RNF121: variants seen among roughly 807,000 people sequenced by gnomAD.
The protein encoded by RNF121 is E3 ubiquitin ligase RNF121.
RNF121 carries 21 observed loss-of-function variants against 46.5 expected under a neutral mutation model. That is an observed-to-expected ratio of 0.45 (90% CI 0.32 to 0.65). The LOEUF is 0.65. Ranked by LOEUF, RNF121 falls within the 30% of genes least tolerant of loss-of-function variation. RNF121 has a pLI of 0.04. For missense variants in RNF121, 346 were observed against 416.0 expected (o/e 0.83, Z 1.46); for synonymous variants, 139 against 144.7 (o/e 0.96, Z 0.28).
intron 1 of RNF121, among the ~76,000 whole-genome samples, chr11:71,935,422 A>G (rs944087524): frequency 1.3e-5 from 2 of 152,208 alleles, no homozygotes; most frequent in African/African-American, 2.4e-5. Flanking sequence ...GTTAACCACA[A>G]CGGGCAATAT....
At chr11:71,992,048 T>C (rs1954874255) in intron 6 of RNF121, among the ~76,000 whole-genome samples, 1 of 152,142 alleles carries the variant, frequency 6.6e-6, no homozygotes. Context: ...AGCCTTGCAG[T>C]GAGCTTGTTC....
intron 7 of RNF121, 143 bp downstream of exon 7, chr11:71,994,995 C>T: frequency 8.9e-7 from 1 of 1,129,874 alleles, no homozygotes; most frequent in South Asian, 1.4e-5. Flanking sequence ...ACCTTCCCTA[C>T]CCTTTCCCAC....
At chr11:71,985,403 C>A (rs1954752882) in intron 4 of RNF121, among the ~76,000 whole-genome samples, 1 of 152,188 alleles carries the variant, frequency 6.6e-6, no homozygotes, top group Non-Finnish European at 1.5e-5. Flanking sequence ...TGAGGTTATC[C>A]AGCTACTAAA....
chr11:71,935,783 T>G (rs1476914303), intron 1 of RNF121, among the ~76,000 whole-genome samples: 1 of 151,928 alleles, frequency 6.6e-6, no homozygotes, highest in Non-Finnish European at 1.5e-5. Flanking sequence ...ATAACTCTCA[T>G]CAGGTACTGA....
intron 6 of RNF121, among the ~76,000 whole-genome samples, chr11:71,992,245 T>G (rs79450267): frequency 0.024 from 3,694 of 152,366 alleles, 60 homozygotes; most frequent in Middle Eastern, 0.058. Flanking sequence ...AATTTTTACT[T>G]TGTGAACTCT....
In RNF121 at chr11:71,987,124, T is replaced by C. The variant is rs369775219; in HGVS notation, c.506+13T>C. The C allele has an allele frequency of 8.2e-5, 126 of 1,534,126 alleles. No individual in the cohort carries two copies. Among genetic ancestry groups the C allele is most frequent in the Non-Finnish European group, 9.7e-5 (108 of 1,107,748 alleles). On this transcript the variant is annotated intron_variant, in intron 5 of 8. Coordinates refer to ENST00000361756, the MANE Select transcript of RNF121 (RefSeq NM_018320.5). Reference sequence around the variant, plus strand: ...ACTTATTATTCAAGTGAGTACCCTTTGTTTTTGTTTTTGCTGGAGTTTGGG... The same window carrying C: ...ACTTATTATTCAAGTGAGTACCCTTCGTTTTTGTTTTTGCTGGAGTTTGGG...
intron 3 of RNF121, among the ~76,000 whole-genome samples, chr11:71,968,000 C>T (rs1015908288): frequency 6.6e-6 from 1 of 151,914 alleles, no homozygotes; most frequent in African/African-American, 2.4e-5. Flanking sequence ...TATCTTTCCC[C>T]AGTTTGTCAT....
Position 71,996,595 on chromosome 11 carries a change from A to C in RNF121, c.*280A>C. The C allele has an allele frequency of 3.5e-6, 1 of 283,422 alleles. No individual in the cohort carries two copies. The allele number at this position is 283,422 out of a possible 1,614,324, so 17.6% of individuals were successfully genotyped here. ...TAGGAATTGCCCCCCTCCAGGCTTC[A>C]CCCTCCCTGCCTAAGCAGGGTGGGG... On this transcript the variant is annotated 3_prime_UTR_variant, in exon 9 of 9. Transcript: ENST00000361756.
intron 1 of RNF121, among the ~76,000 whole-genome samples, chr11:71,933,403 C>T (rs941553039): frequency 3.3e-5 from 5 of 152,184 alleles, no homozygotes; most frequent in Admixed American, 3.3e-4. Flanking sequence ...ATATTATTGC[C>T]TCAAGTGAAT....
At chr11:71,940,287 G>A (rs1254339889) in intron 1 of RNF121, among the ~76,000 whole-genome samples, 1 of 152,162 alleles carries the variant, frequency 6.6e-6, no homozygotes, top group Non-Finnish European at 1.5e-5. Flanking sequence ...TAGTCCAGTT[G>A]GAAAGATAGT....
At chr11:71,973,358 G>A (rs1383196520) in intron 3 of RNF121, among the ~76,000 whole-genome samples, 4 of 152,236 alleles carry the variant, frequency 2.6e-5, no homozygotes, top group African/African-American at 9.6e-5. Flanking sequence ...GGTTGTAGTA[G>A]CATAGGCCTG....
chr11:71,954,040 G>A (rs1953937046), intron 1 of RNF121, among the ~76,000 whole-genome samples: 1 of 152,142 alleles, frequency 6.6e-6, no homozygotes, highest in Admixed American at 6.6e-5. Flanking sequence ...GTCACTGTAG[G>A]TCTTAGGAGT....
intron 5 of RNF121, 134 bp from the exon 6 acceptor site, chr11:71,990,463 G>A (rs1954843680): frequency 9.4e-7 from 1 of 1,059,306 alleles, no homozygotes; most frequent in African/African-American, 1.6e-5. Flanking sequence ...ACTGGATTTG[G>A]TCATAGTTTG....
chr11:71,991,347 C>G (rs1954860279), intron 6 of RNF121, among the ~76,000 whole-genome samples: 2 of 151,998 alleles, frequency 1.3e-5, no homozygotes, highest in Admixed American at 1.3e-4. Flanking sequence ...TCAGTAGATA[C>G]TTTTTAATGC....
chr11:71,996,741 A>G lies in RNF121; in HGVS notation c.*426A>G. The G allele has an allele frequency of 5.4e-6, 1 of 185,068 alleles. No individual in the cohort carries two copies. The highest frequency in any genetic ancestry group is 1.2e-5 in the Non-Finnish European group (1 of 85,844). 11.5% of individuals were successfully genotyped at this position (185,068 alleles called of 1,614,324 possible). On this transcript the variant is annotated 3_prime_UTR_variant, in exon 9 of 9. Transcript: ENST00000361756. ...CTCCCTTCTTCCCTGTGTGGGGCTC[A>G]AGCCTGGTGCACTTAGTATAGAAGA...
At chr11:71,946,263 A>G (rs1953714850) in intron 1 of RNF121, among the ~76,000 whole-genome samples, 1 of 152,246 alleles carries the variant, frequency 6.6e-6, no homozygotes, top group Non-Finnish European at 1.5e-5. Context: ...TGCCTATGCA[A>G]TGGAATATTA....
chr11:71,957,700 T>G (rs1045842383), intron 2 of RNF121, among the ~76,000 whole-genome samples: 4 of 152,182 alleles, frequency 2.6e-5, no homozygotes, highest in Admixed American at 2.6e-4. Context: ...ATTAACATCA[T>G]CATTATTATC....
intron 2 of RNF121, among the ~76,000 whole-genome samples, chr11:71,958,910 C>T (rs1158092851): frequency 2.0e-5 from 3 of 152,130 alleles, no homozygotes; most frequent in Non-Finnish European, 2.9e-5. Context: ...TGTGCACATC[C>T]GTTCACTGAT....
At chr11:71,948,377 G>C (rs947573344) in intron 1 of RNF121, among the ~76,000 whole-genome samples, 1 of 151,736 alleles carries the variant, frequency 6.6e-6, no homozygotes, top group African/African-American at 2.4e-5. Flanking sequence ...TTAGCCGGGC[G>C]TGGTGGCTGC....
Sources: allele counts gnomAD v4.1 joint callset (sites outside exome capture counted in the v4.1 genomes callset), GRCh38; gene constraint gnomAD v4.1.1; transcripts MANE v1.5; gene names NCBI Gene and HGNC (gene_info 2026-07-23, HGNC 2026-07-21).